USH2A: variants seen among roughly 807,000 people sequenced by gnomAD.
USH2A encodes Usher syndrome 2A (autosomal recessive, mild).
Under a neutral mutation model 538.9 loss-of-function variants are expected in USH2A, and 443 were observed. The observed-to-expected ratio is 0.82, with a 90% CI of 0.76 to 0.89. USH2A has a LOEUF of 0.89. Ranked by LOEUF, USH2A falls within the 40% of genes least tolerant of loss-of-function variation. The probability of loss-of-function intolerance (pLI) is 0.00; values close to 1 mark genes in which losing one functional copy is unlikely to be tolerated. For missense variants in USH2A, 6,633 were observed against 6,324.8 expected (o/e 1.05, Z -1.65); for synonymous variants, 2,413 against 2,273.5 (o/e 1.06, Z -1.75).
chr1:216,118,444 AG>A (rs2033058682), intron 21 of USH2A, among the ~76,000 whole-genome samples: 1 of 152,170 alleles, frequency 6.6e-6, no homozygotes, highest in Non-Finnish European at 1.5e-5. Context: ...CAGGAGCCTT[AG>A]CATCCTCACC....
chr1:216,387,810 C>A (rs991635007), intron 3 of USH2A, among the ~76,000 whole-genome samples: 1 of 152,084 alleles, frequency 6.6e-6, no homozygotes, highest in Non-Finnish European at 1.5e-5. Context: ...AACATTTAAC[C>A]TGAAAGGACA....
chr1:216,367,546 C>T (rs2038622958), intron 3 of USH2A, among the ~76,000 whole-genome samples: 2 of 152,124 alleles, frequency 1.3e-5, no homozygotes, highest in South Asian at 4.1e-4. Context: ...TTTTTATCAA[C>T]TCATCACATA....
chr1:215,975,734 G>A (rs1667604636), intron 35 of USH2A, among the ~76,000 whole-genome samples: 1 of 152,138 alleles, frequency 6.6e-6, no homozygotes, highest in Non-Finnish European at 1.5e-5. Flanking sequence ...AGTATAGTTT[G>A]AAGTTGAGTA....
Position 215,779,890 on chromosome 1 carries a change from C to A in USH2A, c.10892G>T (p.Gly3631Val), listed in dbSNP as rs960793434. ...GTCAGTGGTGTCAGTGTGGATGAGA[C>A]CTTTCCCAACCTGCCTGATCTGGTA... The part of the protein sequence containing the change: ...KEYQIRQVGK[G>V]LIHTDTTDRR... The change falls in exon 55 of 72, where the codon GGT becomes GTT. Residue 3631 changes from glycine (G) to valine (V), a missense_variant. Transcript: ENST00000307340. 5.0e-6 allele frequency: 8 copies of A among 1,613,896 alleles called. No homozygotes were observed. Among genetic ancestry groups the A allele is most frequent in the Non-Finnish European group, 6.8e-6 (8 of 1,180,026 alleles).
chr1:216,280,664 T>C (rs901296414), intron 11 of USH2A, among the ~76,000 whole-genome samples: 17 of 151,814 alleles, frequency 1.1e-4, no homozygotes, highest in African/African-American at 4.1e-4. Flanking sequence ...AGCATTACTT[T>C]ATGCCCCTCT....
chr1:215,804,887 A>G (rs1662449637), intron 49 of USH2A, among the ~76,000 whole-genome samples: 1 of 152,182 alleles, frequency 6.6e-6, no homozygotes, highest in African/African-American at 2.4e-5. Flanking sequence ...ACCAACCCAA[A>G]TGTCCAACAA....
chr1:215,877,954 T>G (rs1664818049), intron 42 of USH2A, 74 bp from the exon 43 acceptor site: 15 of 1,597,060 alleles, frequency 9.4e-6, no homozygotes, highest in Non-Finnish European at 1.3e-5. Context: ...CAGGCTGTTC[T>G]GTGGCATGTG....
At chr1:216,415,016 A>T (rs1267345736) in intron 3 of USH2A, among the ~76,000 whole-genome samples, 1 of 152,096 alleles carries the variant, frequency 6.6e-6, no homozygotes, top group Non-Finnish European at 1.5e-5. Flanking sequence ...AACAATCTAC[A>T]TTTCTCTATA....
At chr1:216,108,613 T>G (rs2032794316) in intron 21 of USH2A, among the ~76,000 whole-genome samples, 2 of 152,020 alleles carry the variant, frequency 1.3e-5, no homozygotes, top group South Asian at 4.1e-4. Context: ...CTGATATTAT[T>G]CCACATGTTA....
chr1:215,757,365 C>T (rs527596526), intron 58 of USH2A, among the ~76,000 whole-genome samples: 4 of 152,128 alleles, frequency 2.6e-5, no homozygotes, highest in African/African-American at 4.8e-5. Flanking sequence ...TAGGTCTTTA[C>T]GCTCTCTTTA....
intron 71 of USH2A, 32 bp downstream of exon 71, chr1:215,628,782 A>C (rs1656151759): frequency 2.5e-6 from 4 of 1,609,962 alleles, no homozygotes; most frequent in Non-Finnish European, 3.4e-6. Context: ...TGGGATATTT[A>C]GCAAAGGCCC....
At chr1:216,054,278 G>C (rs1024200240) in intron 30 of USH2A, among the ~76,000 whole-genome samples, 1 of 152,128 alleles carries the variant, frequency 6.6e-6, no homozygotes, top group African/African-American at 2.4e-5. Context: ...TGTTTCTTTT[G>C]ACTGATACAT....
chr1:216,169,363 G>A (rs141315165), intron 21 of USH2A, among the ~76,000 whole-genome samples: 1 of 152,184 alleles, frequency 6.6e-6, no homozygotes, highest in African/African-American at 2.4e-5. Flanking sequence ...TTACAGGAAT[G>A]TACTTCAAAA....
intron 3 of USH2A, among the ~76,000 whole-genome samples, chr1:216,367,073 T>C (rs1299861820): frequency 2.0e-5 from 3 of 152,198 alleles, no homozygotes; most frequent in Admixed American, 1.3e-4. Context: ...CCATCTCTAC[T>C]GTCTTTACCC....
chr1:215,826,909 T>C (rs1278808717), intron 47 of USH2A, among the ~76,000 whole-genome samples: 4 of 152,156 alleles, frequency 2.6e-5, no homozygotes, highest in Admixed American at 2.0e-4. Context: ...AAAATCAGTG[T>C]TTAATAAACT....
At chr1:215,732,893 A>G (rs1289521953) in intron 60 of USH2A, among the ~76,000 whole-genome samples, 1 of 151,972 alleles carries the variant, frequency 6.6e-6, no homozygotes, top group African/African-American at 2.4e-5. Context: ...TTCTAGCCCC[A>G]TATCACTTTT....
At chr1:215,693,300 T>A (rs1461371474) in intron 61 of USH2A, among the ~76,000 whole-genome samples, 1 of 151,952 alleles carries the variant, frequency 6.6e-6, no homozygotes, top group African/African-American at 2.4e-5. Flanking sequence ...TTTTCTTGTC[T>A]ATCCTTCCTA....
In USH2A at chr1:216,073,172, T is replaced by C; in HGVS notation, c.5701A>G (p.Arg1901Gly). 1 of 1,613,934 alleles carries C rather than the reference T, an allele frequency of 6.2e-7. No homozygotes were observed. The highest frequency in any genetic ancestry group is 1.3e-5 in the African/African-American group (1 of 75,050). The stretch of plus-strand genomic sequence containing the variant: ...TAAACCAGGATGGAGTCATTTCCCC[T>C]GCAGTTAACAGCACTGTCAGTTGAT... ...CLSTDSAVNC[R>G]GNDSILVYQG... The change falls in exon 28 of 72, where the codon AGG becomes GGG. Residue 1901 changes from arginine to glycine, a missense_variant. Arg to Gly is a moderately radical substitution (Grantham distance 125). Transcript: ENST00000307340.
chr1:215,822,805 T>C (rs1226599383), intron 47 of USH2A, among the ~76,000 whole-genome samples: 1 of 151,978 alleles, frequency 6.6e-6, no homozygotes, highest in African/African-American at 2.4e-5. Context: ...TCCAGTTTCT[T>C]GAGGGACTTT....
Sources: allele counts gnomAD v4.1 joint callset (sites outside exome capture counted in the v4.1 genomes callset), GRCh38; gene constraint gnomAD v4.1.1; transcripts MANE v1.5; gene names NCBI Gene and HGNC (gene_info 2026-07-23, HGNC 2026-07-21).